The following AIMP1 variants were observed in gnomAD, a reference collection of about 807,000 sequenced individuals.
AIMP1 encodes aminoacyl tRNA synthase complex-interacting multifunctional protein 1.
In AIMP1, 24 loss-of-function variants were observed where a neutral mutation model predicts 33.1. The observed-to-expected ratio is 0.73, with a 90% CI of 0.53 to 1.02. The LOEUF is 1.02. Ranked by LOEUF, AIMP1 falls within the 50% of genes least tolerant of loss-of-function variation. The pLI is 0.00. For synonymous variants in AIMP1, 120 were observed against 121.5 expected (o/e 0.99, Z 0.08); for missense variants, 367 against 364.8 (o/e 1.01, Z -0.05).
At chr4:106,327,667 C>A in intron 3 of AIMP1, 103 bp downstream of exon 3, 2 of 786,000 alleles carry the variant, frequency 2.5e-6, no homozygotes, top group Non-Finnish European at 4.2e-6. Flanking sequence ...GCAACTTGGA[C>A]AACTTCATAA....
intron 4 of AIMP1, among the ~76,000 whole-genome samples, chr4:106,329,847 A>G (rs1457249451): frequency 1.5e-5 from 2 of 130,780 alleles, no homozygotes; most frequent in Non-Finnish European, 3.1e-5. Context: ...ATACAGTGGC[A>G]TAATCTCGGC....
At chr4:106,347,231 C>T (rs1770338193) in intron 6 of AIMP1, among the ~76,000 whole-genome samples, 1 of 151,990 alleles carries the variant, frequency 6.6e-6, no homozygotes, top group Non-Finnish European at 1.5e-5. Context: ...GAGTACCTTA[C>T]ATTTTATTAT....
chr4:106,329,952 T>G (rs897027079), intron 4 of AIMP1, among the ~76,000 whole-genome samples: 3 of 151,994 alleles, frequency 2.0e-5, no homozygotes. Flanking sequence ...CTGGCTAATT[T>G]TTGTATTTTT....
At position 106,336,972 on chromosome 4, in the gene AIMP1, T is replaced by C. The variant is rs201023640; in HGVS notation, c.707T>C (p.Ile236Thr). The change falls in exon 6 of 7, where the codon ATT becomes ACT. Residue 236 changes from isoleucine (I) to threonine (T), a missense_variant. Physicochemically the swap from Ile to Thr is moderately conservative, Grantham distance 89. Coordinates refer to ENST00000672341, the MANE Select transcript of AIMP1 (RefSeq NM_001142416.2). Reference protein sequence around the residue: ...MVMCASSPEKIEILAPPNGSV... With the variant: ...MVMCASSPEKTEILAPPNGSV... ...ATGTGTGCTAGTTCACCAGAGAAAA[T>C]TGAAATCTTGGCTCCTCCAAATGGG... 1.3e-4 allele frequency: 202 copies of C among 1,613,950 alleles called. 1 individual carries two copies. Among genetic ancestry groups the C allele is most frequent in the Non-Finnish European group, 2.4e-5 (28 of 1,179,990 alleles).
intron 5 of AIMP1, among the ~76,000 whole-genome samples, chr4:106,335,642 G>A (rs972974861): frequency 2.6e-5 from 4 of 152,028 alleles, no homozygotes; most frequent in Non-Finnish European, 4.4e-5. Flanking sequence ...TCTCATATAC[G>A]TGACATTGTC....
At chr4:106,338,816 A>T (rs1305793851) in intron 6 of AIMP1, among the ~76,000 whole-genome samples, 1 of 152,054 alleles carries the variant, frequency 6.6e-6, no homozygotes, top group Non-Finnish European at 1.5e-5. Flanking sequence ...CAGACATTCA[A>T]CTCCAGCCTG....
At chr4:106,345,196 G>A (rs1689458678) in intron 6 of AIMP1, among the ~76,000 whole-genome samples, 1 of 152,172 alleles carries the variant, frequency 6.6e-6, no homozygotes, top group Non-Finnish European at 1.5e-5. Context: ...GCTTATGTCT[G>A]CTTGCAGCAA....
At chr4:106,318,739 C>T (rs1295045556) in intron 1 of AIMP1, among the ~76,000 whole-genome samples, 1 of 152,022 alleles carries the variant, frequency 6.6e-6, no homozygotes, top group African/African-American at 2.4e-5. Flanking sequence ...GCACTATTGG[C>T]ATATAGTTGT....
chr4:106,347,811 G>C lies in AIMP1; in HGVS notation c.*119G>C. The C allele has an allele frequency of 9.4e-7, 1 of 1,062,288 alleles. No individual in the cohort carries two copies. The highest frequency in any genetic ancestry group is 1.4e-6 in the Non-Finnish European group (1 of 730,624). 65.8% of individuals were successfully genotyped at this position (1,062,288 alleles called of 1,614,324 possible). On this transcript the variant is annotated 3_prime_UTR_variant, in exon 7 of 7. Transcript: ENST00000672341. ...TTTTGCATTACTCTCTTCTAGACTT[G>C]ACTAGTCATTTACTTGGTATATATT...
At chr4:106,320,452 C>T (rs1769171087) in intron 1 of AIMP1, among the ~76,000 whole-genome samples, 1 of 152,022 alleles carries the variant, frequency 6.6e-6, no homozygotes, top group Admixed American at 6.5e-5. Context: ...ATTTTAGGAG[C>T]CTGGTAGGTA....
At chr4:106,340,264 T>C (rs962043278) in intron 6 of AIMP1, among the ~76,000 whole-genome samples, 2 of 150,858 alleles carry the variant, frequency 1.3e-5, no homozygotes, top group African/African-American at 4.8e-5. Context: ...GCAATAAAAT[T>C]AAACTAAGGT....
chr4:106,338,687 C>T (rs151036513), intron 6 of AIMP1, among the ~76,000 whole-genome samples: 4 of 152,212 alleles, frequency 2.6e-5, no homozygotes, highest in African/African-American at 7.2e-5. Flanking sequence ...GGGACCCCCC[C>T]ACACACAGAA....
At chr4:106,336,555 T>C (rs1319394062) in intron 5 of AIMP1, among the ~76,000 whole-genome samples, 1 of 152,242 alleles carries the variant, frequency 6.6e-6, no homozygotes, top group Non-Finnish European at 1.5e-5. Flanking sequence ...ACTTTATGCA[T>C]TCTCATTGCT....
chr4:106,332,072 G>C (rs951692631), intron 5 of AIMP1, among the ~76,000 whole-genome samples, 189 bp downstream of exon 5: 4 of 151,946 alleles, frequency 2.6e-5, no homozygotes, highest in Non-Finnish European at 5.9e-5. Flanking sequence ...TAAAACATCT[G>C]TAAATTAAGA....
intron 1 of AIMP1, among the ~76,000 whole-genome samples, chr4:106,323,317 T>G (rs1025148978): frequency 6.6e-6 from 1 of 152,182 alleles, no homozygotes; most frequent in African/African-American, 2.4e-5. Flanking sequence ...AGTCAGAACA[T>G]GAGTTTCTTT....
At chr4:106,344,067 C>T (rs1770200551) in intron 6 of AIMP1, among the ~76,000 whole-genome samples, 1 of 152,100 alleles carries the variant, frequency 6.6e-6, no homozygotes, top group South Asian at 2.1e-4. Flanking sequence ...GTCTAGTTCT[C>T]AGTCTTATTA....
In AIMP1 at chr4:106,328,189, A is replaced by AT. The variant is rs751707035; in HGVS notation, c.338dup (p.Gly115ArgfsTer14). 1.2e-6 allele frequency: 2 copies of AT among 1,613,018 alleles called. No homozygotes were observed. The highest frequency in any genetic ancestry group is 2.7e-5 in the African/African-American group (2 of 74,898). The stretch of plus-strand genomic sequence containing the variant: ...CGTATCTTCTGGTACCAAAGAACAG[A>AT]TAAAAGGAGGAACAGGAGACGAAAA... On this transcript the variant is annotated frameshift_variant, in exon 4 of 7. Transcript: ENST00000672341. LOFTEE classifies it high-confidence loss of function.
At position 106,325,033 on chromosome 4, in the gene AIMP1, G is replaced by C. The variant is rs11544777; in HGVS notation, c.24G>C (p.Leu8=). 0.055 allele frequency: 88,149 copies of C among 1,611,490 alleles called. 2,944 individuals are homozygous for C. Among genetic ancestry groups the C allele is most frequent in the Non-Finnish European group, 0.065 (76,039 of 1,178,406 alleles). Residue 8 remains leucine, a synonymous_variant, in exon 2 of 7, where the codon CTG becomes CTC. Coordinates refer to ENST00000672341, the MANE Select transcript of AIMP1 (RefSeq NM_001142416.2). The part of the protein sequence containing the change: MANNDAV[L]KRLEQKGAEA... ...AAATGGCAAATAATGATGCTGTTCT[G>C]AAGAGACTGGAGCAGAAGGGTGCAG...
At chr4:106,334,276 CTTT>C (rs34085907) in intron 5 of AIMP1, among the ~76,000 whole-genome samples, 17 of 139,288 alleles carry the variant, frequency 1.2e-4, no homozygotes, top group Non-Finnish European at 1.6e-4. Context: ...TTTCTTTTTT[CTTT>C]TTTTTTTTTT....
Sources: gnomAD v4.1 joint callset for allele counts (sites outside exome capture counted in the v4.1 genomes callset) on GRCh38, gnomAD v4.1.1 for gene constraint, MANE v1.5 for transcripts, NCBI Gene and HGNC (gene_info 2026-07-23, HGNC 2026-07-21) for gene names.